STARD13: variants seen among roughly 807,000 people sequenced by gnomAD.
The protein encoded by STARD13 is StAR related lipid transfer domain containing 13, also known as stAR-related lipid transfer protein 13.
A neutral mutation model predicts 106.4 loss-of-function variants in STARD13; 62 were observed. The observed-to-expected ratio is 0.58, with a 90% confidence interval of 0.48 to 0.72. The LOEUF (loss-of-function observed/expected upper bound fraction) is 0.72. Ranked by LOEUF, STARD13 falls within the 30% of genes least tolerant of loss-of-function variation. The pLI, the probability that STARD13 is intolerant of heterozygous loss-of-function variation, is 0.00. For missense variants in STARD13, 1,387 were observed against 1,424.0 expected, an observed-to-expected ratio of 0.97 and a Z score of 0.42; for synonymous variants, 565 against 553.0, an observed-to-expected ratio of 1.02 and a Z score of -0.31.
intron 1 of STARD13, among the ~76,000 whole-genome samples, chr13:33,218,110 T>C (rs1179471994): frequency 1.3e-5 from 2 of 152,230 alleles, no homozygotes; most frequent in East Asian, 1.9e-4. Flanking sequence ...AACTTTTTAC[T>C]GTATGGCAAA....
At chr13:33,187,528 T>C (rs2138486121) in intron 1 of STARD13, among the ~76,000 whole-genome samples, 1 of 152,328 alleles carries the variant, frequency 6.6e-6, no homozygotes, top group Middle Eastern at 3.4e-3. Context: ...GCATGCATTT[T>C]ACTGAGACTT....
At chr13:33,303,186 T>C (rs1213066034) in intron 1 of STARD13, among the ~76,000 whole-genome samples, 2 of 152,226 alleles carry the variant, frequency 1.3e-5, no homozygotes, top group South Asian at 2.1e-4. Flanking sequence ...ATGAAACTTA[T>C]TTCTGGCATA....
chr13:33,570,806 T>C, the STARD13 span, among the ~76,000 whole-genome samples: 4 of 152,296 alleles, frequency 2.6e-5, no homozygotes, highest in Admixed American at 6.5e-5. Context: ...GTCACACATA[T>C]GGAGTTCTCT....
the STARD13 span, among the ~76,000 whole-genome samples, chr13:33,577,112 G>A: frequency 6.6e-6 from 1 of 152,116 alleles, no homozygotes; most frequent in African/African-American, 2.4e-5. Context: ...GCCTAATTAT[G>A]TCCATGTCTT....
At chr13:33,552,970 C>G in the STARD13 span, among the ~76,000 whole-genome samples, 3 of 151,898 alleles carry the variant, frequency 2.0e-5, no homozygotes, top group South Asian at 4.2e-4. Flanking sequence ...AGACACTGAA[C>G]CATATTTTAA....
At chr13:33,459,124 A>C in the STARD13 span, among the ~76,000 whole-genome samples, 1 of 152,314 alleles carries the variant, frequency 6.6e-6, no homozygotes, top group Non-Finnish European at 1.5e-5. Context: ...TAAATTGCAT[A>C]GATATAGTGT....
chr13:33,477,411 A>G, the STARD13 span, among the ~76,000 whole-genome samples: 308 of 152,346 alleles, frequency 2.0e-3, no homozygotes, highest in African/African-American at 7.2e-3. Flanking sequence ...ACATCACCCC[A>G]ACAATAATAT....
chr13:33,461,060 T>G, the STARD13 span, among the ~76,000 whole-genome samples: 1 of 152,096 alleles, frequency 6.6e-6, no homozygotes, highest in Non-Finnish European at 1.5e-5. Flanking sequence ...GACAGAAAGG[T>G]GGTCTGTGGT....
At chr13:33,186,079 G>T (rs1468831209) in intron 1 of STARD13, 3 of 1,598,182 alleles carry the variant, frequency 1.9e-6, no homozygotes, top group South Asian at 1.1e-5. Context: ...TCATGTTTCC[G>T]GTTGCTAACA....
At chr13:33,338,261 A>G (rs1238200021) in intron 1 of STARD13, among the ~76,000 whole-genome samples, 1 of 152,206 alleles carries the variant, frequency 6.6e-6, no homozygotes, top group Non-Finnish European at 1.5e-5. Flanking sequence ...GACTGAGGAC[A>G]TTAAGGTTCT....
intron 1 of STARD13, among the ~76,000 whole-genome samples, chr13:33,300,666 T>C (rs895147341): frequency 3.3e-5 from 5 of 152,216 alleles, no homozygotes; most frequent in African/African-American, 1.2e-4. Context: ...ACAATACTCA[T>C]GATGATAATG....
the STARD13 span, among the ~76,000 whole-genome samples, chr13:33,385,035 G>A: frequency 6.8e-6 from 1 of 146,298 alleles, no homozygotes; most frequent in Non-Finnish European, 1.5e-5. Flanking sequence ...GAAAGGTTCG[G>A]AATATATATA....
chr13:33,443,785 GA>G, the STARD13 span, among the ~76,000 whole-genome samples: 20 of 151,018 alleles, frequency 1.3e-4, no homozygotes, highest in East Asian at 3.9e-3. Context: ...TTGGGAGGCT[GA>G]GGCAGGAGAA....
the STARD13 span, among the ~76,000 whole-genome samples, chr13:33,490,068 T>G: frequency 6.6e-6 from 1 of 152,236 alleles, no homozygotes; most frequent in Admixed American, 6.5e-5. Flanking sequence ...CACATAAGTT[T>G]AAATAACCAC....
chr13:33,351,970 G>A (rs1459451461), upstream of STARD13, among the ~76,000 whole-genome samples: 1 of 152,108 alleles, frequency 6.6e-6, no homozygotes, highest in African/African-American at 2.4e-5. Flanking sequence ...CAGGGATGAT[G>A]GTAAGAAATA....
intron 1 of STARD13, among the ~76,000 whole-genome samples, chr13:33,211,811 GTGTGTGTGTGTGTGTA>G (rs1488942288): frequency 1.5e-5 from 2 of 130,412 alleles, no homozygotes; most frequent in Non-Finnish European, 3.4e-5. Context: ...GACTCTGTGT[GTGTGTGTGTGTGTGTA>G]TGTGTGTGTG....
chr13:33,371,003 A>G, the STARD13 span, among the ~76,000 whole-genome samples: 1 of 152,206 alleles, frequency 6.6e-6, no homozygotes, highest in Non-Finnish European at 1.5e-5. Flanking sequence ...CTCACAATCA[A>G]GATCAATTCA....
chr13:33,214,411 C>A (rs1430945107), intron 1 of STARD13, among the ~76,000 whole-genome samples: 1 of 152,152 alleles, frequency 6.6e-6, no homozygotes, highest in Non-Finnish European at 1.5e-5. Flanking sequence ...GCATTCCTGG[C>A]AGCTATAAGG....
At chr13:33,528,247 TATATATATAC>T in the STARD13 span, among the ~76,000 whole-genome samples, 11 of 131,888 alleles carry the variant, frequency 8.3e-5, no homozygotes, top group African/African-American at 1.3e-4. Context: ...TATATACATA[TATATATATAC>T]ATATATATAT....
Sources: allele counts gnomAD v4.1 joint callset (sites outside exome capture counted in the v4.1 genomes callset), GRCh38; gene constraint gnomAD v4.1.1; transcripts MANE v1.5; gene names NCBI Gene and HGNC (gene_info 2026-07-23, HGNC 2026-07-21).